The following FHIT variants were observed in gnomAD, a reference collection of about 807,000 sequenced individuals.
FHIT encodes fragile histidine triad diadenosine triphosphatase.
Under a neutral mutation model 17.9 loss-of-function variants are expected in FHIT, and 19 were observed. The ratio of observed to expected loss-of-function variants is 1.06; its 90% CI spans 0.74 to 1.56. The LOEUF (loss-of-function observed/expected upper bound fraction) is 1.56. Among genes scored for constraint, FHIT ranks in the 40% most tolerant of loss-of-function variants. The probability of loss-of-function intolerance (pLI) is 0.00; values close to 1 mark genes in which losing one functional copy is unlikely to be tolerated. For missense variants in FHIT, 248 were observed against 189.2 expected, an observed-to-expected ratio of 1.31 and a Z score of -1.82; for synonymous variants, 81 against 69.7, an observed-to-expected ratio of 1.16 and a Z score of -0.81.
intron 8 of FHIT, among the ~76,000 whole-genome samples, chr3:59,913,371 G>A (rs895008958): frequency 1.2e-4 from 18 of 152,260 alleles, no homozygotes; most frequent in African/African-American, 3.1e-4. Flanking sequence ...AGCAAAGGGT[G>A]ATAGAAACAG....
intron 1 of FHIT, among the ~76,000 whole-genome samples, chr3:61,244,729 G>C (rs1471747707): frequency 6.6e-6 from 1 of 152,170 alleles, no homozygotes; most frequent in Admixed American, 6.5e-5. Flanking sequence ...CAGAGAATCT[G>C]AACAAACAGG....
chr3:60,713,346 C>T (rs1445657524), intron 4 of FHIT, among the ~76,000 whole-genome samples: 4 of 150,414 alleles, frequency 2.7e-5, no homozygotes, highest in Non-Finnish European at 4.4e-5. Flanking sequence ...AAATTGACAC[C>T]CTAACATCAC....
intron 5 of FHIT, among the ~76,000 whole-genome samples, chr3:60,155,828 C>G (rs1700663775): frequency 6.6e-6 from 1 of 152,168 alleles, no homozygotes; most frequent in Non-Finnish European, 1.5e-5. Context: ...CCACCCCACT[C>G]CAACCTCCAC....
chr3:61,086,155 A>G (rs1489389308), intron 2 of FHIT, among the ~76,000 whole-genome samples: 1 of 152,150 alleles, frequency 6.6e-6, no homozygotes, highest in East Asian at 1.9e-4. Flanking sequence ...AGTGGTGAGA[A>G]CAGTCACCCT....
intron 4 of FHIT, among the ~76,000 whole-genome samples, chr3:60,746,581 G>GA (rs1414786815): frequency 6.6e-6 from 1 of 152,184 alleles, no homozygotes; most frequent in Non-Finnish European, 1.5e-5. Flanking sequence ...TGTGGAAATG[G>GA]AAAAAGGAAG....
intron 4 of FHIT, among the ~76,000 whole-genome samples, chr3:60,803,333 C>G (rs1455885295): frequency 6.6e-6 from 1 of 152,174 alleles, no homozygotes; most frequent in Non-Finnish European, 1.5e-5. Context: ...TGCATTAGTG[C>G]ATTGGTAGCC....
chr3:60,631,763 G>A (rs1024290729), intron 4 of FHIT, among the ~76,000 whole-genome samples: 7 of 152,128 alleles, frequency 4.6e-5, no homozygotes, highest in Admixed American at 3.9e-4. Flanking sequence ...AATGACTTAC[G>A]TGGGCACCGT....
At chr3:60,963,103 C>T (rs1709543748) in intron 3 of FHIT, among the ~76,000 whole-genome samples, 1 of 152,186 alleles carries the variant, frequency 6.6e-6, no homozygotes, top group Non-Finnish European at 1.5e-5. Flanking sequence ...GCCTCAATTT[C>T]AGAGCCTGTT....
chr3:59,794,941 C>T (rs1699717263), intron 8 of FHIT, among the ~76,000 whole-genome samples: 2 of 152,150 alleles, frequency 1.3e-5, no homozygotes, highest in South Asian at 2.1e-4. Context: ...CTTAGATAAG[C>T]ACGAGTTAAC....
intron 2 of FHIT, among the ~76,000 whole-genome samples, chr3:61,161,402 C>T (rs1324347918): frequency 6.6e-6 from 1 of 152,086 alleles, no homozygotes; most frequent in Admixed American, 6.6e-5. Flanking sequence ...GGGGGTTTCA[C>T]CATGTTAGCC....
chr3:60,708,828 G>C (rs2041442161), intron 4 of FHIT, among the ~76,000 whole-genome samples: 1 of 152,030 alleles, frequency 6.6e-6, no homozygotes, highest in Non-Finnish European at 1.5e-5. Flanking sequence ...GAGTGATATT[G>C]GAATGAAGTT....
At chr3:60,492,165 T>C (rs2034093757) in intron 5 of FHIT, among the ~76,000 whole-genome samples, 1 of 152,188 alleles carries the variant, frequency 6.6e-6, no homozygotes, top group Admixed American at 6.5e-5. Context: ...AGTCTACTTT[T>C]CCCACAGATT....
chr3:60,748,473 T>C (rs1553715951), intron 4 of FHIT, among the ~76,000 whole-genome samples: 5 of 152,320 alleles, frequency 3.3e-5, no homozygotes, highest in African/African-American at 1.2e-4. Context: ...ACATTCCTTA[T>C]ATAAAATAGC....
intron 5 of FHIT, among the ~76,000 whole-genome samples, chr3:60,261,606 T>C (rs1706304222): frequency 6.6e-6 from 1 of 152,032 alleles, no homozygotes; most frequent in Non-Finnish European, 1.5e-5. Flanking sequence ...ATAGAAACTA[T>C]CCTCATAGTA....
intron 4 of FHIT, among the ~76,000 whole-genome samples, chr3:60,770,403 C>T (rs1262528597): frequency 6.6e-6 from 1 of 152,096 alleles, no homozygotes; most frequent in African/African-American, 2.4e-5. Context: ...ATCATGAATT[C>T]TTCCTTTTCA....
intron 3 of FHIT, among the ~76,000 whole-genome samples, chr3:60,953,033 T>A (rs1361704149): frequency 6.6e-6 from 1 of 152,188 alleles, no homozygotes; most frequent in Non-Finnish European, 1.5e-5. Context: ...AAGAAAACCC[T>A]AAAAGAGTGT....
At chr3:59,951,879 T>C (rs972802714) in intron 7 of FHIT, among the ~76,000 whole-genome samples, 1 of 152,296 alleles carries the variant, frequency 6.6e-6, no homozygotes, top group Middle Eastern at 3.4e-3. Context: ...CCTCTCTCCA[T>C]GTCTCTGAAA....
At chr3:60,190,092 A>G (rs1702335947) in intron 5 of FHIT, among the ~76,000 whole-genome samples, 1 of 152,206 alleles carries the variant, frequency 6.6e-6, no homozygotes, top group Middle Eastern at 3.2e-3. Context: ...TTGAGAATTA[A>G]TCATTCTCAA....
chr3:59,766,389 G>A lies in FHIT; in HGVS notation c.349-14068C>T, dbSNP rs1466599391. Among the ~76,000 whole-genome samples the A allele has an allele frequency of 5.3e-5, 8 of 152,276 alleles. No homozygotes were observed. The East Asian group carries it at 1.5e-3, about 29-fold the overall frequency. On this transcript the variant is annotated intron_variant, in intron 8 of 9. Transcript: ENST00000492590. ...GTAGCATTTGCCATATAAAAGTACTGGAGTTATTAACTGGATTCCAGATGT... is the reference window on the plus strand; with the variant it reads ...GTAGCATTTGCCATATAAAAGTACTAGAGTTATTAACTGGATTCCAGATGT...
Sources: gnomAD v4.1 joint callset for allele counts (sites outside exome capture counted in the v4.1 genomes callset) on GRCh38, gnomAD v4.1.1 for gene constraint, MANE v1.5 for transcripts, NCBI Gene and HGNC (gene_info 2026-07-23, HGNC 2026-07-21) for gene names.